Variants in FNDC3A observed in about 807,000 individuals in gnomAD.
FNDC3A encodes fibronectin type III domain containing 3A.
In FNDC3A, 32 loss-of-function variants were observed where a neutral mutation model predicts 148.9. That is an observed-to-expected ratio of 0.21 (90% CI 0.16 to 0.29). The LOEUF (loss-of-function observed/expected upper bound fraction) is 0.29. Ranked by LOEUF, FNDC3A falls within the 10% of genes least tolerant of loss-of-function variation. The pLI is 1.00. For missense variants in FNDC3A, 1,191 were observed against 1,452.8 expected, an observed-to-expected ratio of 0.82 and a Z score of 2.93; for synonymous variants, 472 against 473.6, an observed-to-expected ratio of 1.00 and a Z score of 0.04.
At chr13:49,164,336 G>A (rs1195723685) in intron 8 of FNDC3A, among the ~76,000 whole-genome samples, 1 of 151,976 alleles carries the variant, frequency 6.6e-6, no homozygotes, top group African/African-American at 2.4e-5. Flanking sequence ...TTTTACTTTT[G>A]ACAGTTTGAC....
chr13:49,018,013 T>G (rs1872960377), intron 2 of FNDC3A, among the ~76,000 whole-genome samples: 1 of 152,176 alleles, frequency 6.6e-6, no homozygotes, highest in Non-Finnish European at 1.5e-5. Flanking sequence ...AACCCGACCC[T>G]TCTCTCTGGC....
upstream of FNDC3A, chr13:48,975,860 C>G (rs1412021042): frequency 5.9e-5 from 9 of 151,530 alleles, no homozygotes. Flanking sequence ...GCCGCGGGCT[C>G]CGTCGGCGGG....
intron 25 of FNDC3A, among the ~76,000 whole-genome samples, chr13:49,205,990 C>T (rs1886626456): frequency 6.6e-6 from 1 of 152,134 alleles, no homozygotes; most frequent in Non-Finnish European, 1.5e-5. Flanking sequence ...TACTTGAAAG[C>T]CCCCATGTGT....
chr13:49,079,383 G>A (rs1878328922), intron 3 of FNDC3A, among the ~76,000 whole-genome samples: 1 of 152,104 alleles, frequency 6.6e-6, no homozygotes, highest in Non-Finnish European at 1.5e-5. Flanking sequence ...ATACACATAG[G>A]GTGTTATGGG....
At position 49,206,652 on chromosome 13, in the gene FNDC3A, G is replaced by A. The variant is rs183658128; in HGVS notation, c.3283-429G>A. Among the ~76,000 whole-genome samples, 241 of 152,290 alleles carry A rather than the reference G, an allele frequency of 1.6e-3. 6 individuals carry two copies. In the South Asian group the frequency reaches 0.044, roughly 27 times the overall value. On this transcript the variant is annotated intron_variant, in intron 25 of 25. Coordinates refer to ENST00000492622, the MANE Select transcript of FNDC3A (RefSeq NM_001079673.2). ...TATTCATTTTCCATTTCATTGTACAGATATGTTTGAAATTATATGGAAATT... is the reference window on the plus strand; with the variant it reads ...TATTCATTTTCCATTTCATTGTACAAATATGTTTGAAATTATATGGAAATT...
At chr13:49,089,779 G>A (rs7989175) in intron 3 of FNDC3A, among the ~76,000 whole-genome samples, 64,853 of 152,016 alleles carry the variant, frequency 0.43, 14,538 homozygotes, top group East Asian at 0.53. Flanking sequence ...GAACAGAGAA[G>A]CCAGTTACAC....
intron 2 of FNDC3A, among the ~76,000 whole-genome samples, chr13:49,068,623 A>G (rs185208927): frequency 1.5e-4 from 23 of 152,334 alleles, no homozygotes; most frequent in Admixed American, 1.3e-3. Flanking sequence ...TTGCCACACT[A>G]TTCACAATAG....
intron 3 of FNDC3A, among the ~76,000 whole-genome samples, chr13:49,102,741 A>C (rs1352553905): frequency 1.3e-5 from 2 of 152,210 alleles, no homozygotes; most frequent in Non-Finnish European, 2.9e-5. Context: ...TGCATTGAGG[A>C]GATTACAGTT....
chr13:48,984,873 C>T (rs1259200030), intron 1 of FNDC3A, among the ~76,000 whole-genome samples: 4 of 151,842 alleles, frequency 2.6e-5, no homozygotes, highest in Non-Finnish European at 2.9e-5. Context: ...TTAGTAGAGA[C>T]GGGGTTTCAC....
chr13:49,168,222 C>A (rs1156810421), intron 9 of FNDC3A, among the ~76,000 whole-genome samples: 1 of 152,152 alleles, frequency 6.6e-6, no homozygotes, highest in Admixed American at 6.5e-5. Context: ...TATTGTCCAA[C>A]CTAACCTTTT....
intron 2 of FNDC3A, among the ~76,000 whole-genome samples, chr13:49,048,756 C>T (rs1388591636): frequency 6.6e-6 from 1 of 152,136 alleles, no homozygotes; most frequent in Non-Finnish European, 1.5e-5. Context: ...ATCATATCAT[C>T]AGCAAACAAC....
rs1399858541 is a variant in FNDC3A at position 49,208,022 on chromosome 13, GTACT to G, written c.*630_*633del. The G allele has an allele frequency of 6.6e-6, 1 of 152,498 alleles. No individual in the cohort carries two copies. Among genetic ancestry groups the G allele is most frequent in the Non-Finnish European group, 1.5e-5 (1 of 68,004 alleles). The allele number at this position is 152,498 out of a possible 1,614,324, so 9.4% of individuals were successfully genotyped here. Reference sequence around the variant, plus strand: ...TATATATTCATGAATTCACAGATAAGTACTTAAAGAACAGACAGTTTACTTGGCC... The same window carrying G: ...TATATATTCATGAATTCACAGATAAGTAAAGAACAGACAGTTTACTTGGCC... On this transcript the variant is annotated 3_prime_UTR_variant, in exon 26 of 26. Coordinates refer to ENST00000492622, the MANE Select transcript of FNDC3A (RefSeq NM_001079673.2).
intron 3 of FNDC3A, chr13:49,095,340 T>C (rs1205336340): frequency 6.6e-6 from 1 of 151,950 alleles, no homozygotes; most frequent in Admixed American, 6.6e-5. Context: ...TTTCATATCA[T>C]AATATAGAAC....
In FNDC3A at chr13:49,191,243, C is replaced by T. The variant is rs375290697; in HGVS notation, c.2085C>T (p.Ser695=). ...TGGTTGATGGTGGATCACCCATTTCCTGTTACAGTGTGGAAATGTCTCCTA... is the reference window on the plus strand; with the variant it reads ...TGGTTGATGGTGGATCACCCATTTCTTGTTACAGTGTGGAAATGTCTCCTA... ...PPLVDGGSPI[S]CYSVEMSPIE... The change falls in exon 19 of 26, where the codon TCC becomes TCT. Residue 695 remains serine, a synonymous_variant. Transcript: ENST00000492622. The T allele has an allele frequency of 5.6e-6, 9 of 1,610,774 alleles. No individual in the cohort carries two copies. The highest frequency in any genetic ancestry group is 6.8e-6 in the Non-Finnish European group (8 of 1,179,010).
At chr13:49,076,705 T>C (rs1002539467) in intron 3 of FNDC3A, among the ~76,000 whole-genome samples, 6 of 152,214 alleles carry the variant, frequency 3.9e-5, no homozygotes, top group Admixed American at 2.6e-4. Flanking sequence ...TGTAGTGTTA[T>C]TGTTAATAGA....
intron 2 of FNDC3A, among the ~76,000 whole-genome samples, chr13:49,029,894 C>G (rs1287579097): frequency 6.6e-6 from 1 of 151,990 alleles, no homozygotes; most frequent in African/African-American, 2.4e-5. Context: ...ACAAAACAAC[C>G]AAAACCGAAT....
At chr13:49,185,740 T>A (rs944082947) in intron 14 of FNDC3A, among the ~76,000 whole-genome samples, 31 of 152,342 alleles carry the variant, frequency 2.0e-4, no homozygotes, top group African/African-American at 7.2e-4. Context: ...TTTACACTTG[T>A]ATTCCCAGGA....
chr13:49,084,110 G>A (rs554773466), intron 3 of FNDC3A, among the ~76,000 whole-genome samples: 1 of 152,320 alleles, frequency 6.6e-6, no homozygotes, highest in South Asian at 2.1e-4. Context: ...CACTACTGGT[G>A]AAATAAATAC....
chr13:49,125,985 T>A (rs1881668509), intron 4 of FNDC3A, among the ~76,000 whole-genome samples: 1 of 152,220 alleles, frequency 6.6e-6, no homozygotes, highest in Admixed American at 6.5e-5. Flanking sequence ...TTATGAACAC[T>A]GACAAATTTG....
Sources: allele counts gnomAD v4.1 joint callset (sites outside exome capture counted in the v4.1 genomes callset), GRCh38; gene constraint gnomAD v4.1.1; transcripts MANE v1.5; gene names NCBI Gene and HGNC (gene_info 2026-07-23, HGNC 2026-07-21).